Variants in PTPRN2 observed in about 807,000 individuals in gnomAD.
PTPRN2 encodes the protein protein tyrosine phosphatase receptor type N2.
PTPRN2 carries 74 observed loss-of-function variants against 118.8 expected under a neutral mutation model. That is an observed-to-expected ratio of 0.62 (90% CI 0.52 to 0.76). PTPRN2 has a LOEUF of 0.76. Among genes scored for constraint, PTPRN2 ranks in the 30% least tolerant of loss-of-function variants. The probability of loss-of-function intolerance (pLI) is 0.00; values close to 1 mark genes in which losing one functional copy is unlikely to be tolerated. For missense variants in PTPRN2, 1,481 were observed against 1,394.4 expected (o/e 1.06, Z -0.99); for synonymous variants, 641 against 608.0 (o/e 1.05, Z -0.80).
At chr7:158,375,320 C>A (rs117005743) in intron 2 of PTPRN2, among the ~76,000 whole-genome samples, 2,194 of 152,328 alleles carry the variant, frequency 0.014, 25 homozygotes, top group Non-Finnish European at 0.023. Flanking sequence ...TTACAGAGTA[C>A]CCAGGACACA....
intron 19 of PTPRN2, among the ~76,000 whole-genome samples, chr7:157,573,216 C>T (rs1007366296): frequency 1.2e-4 from 19 of 152,242 alleles, no homozygotes; most frequent in African/African-American, 1.9e-4. Context: ...TGAGACTGCA[C>T]GCATGTGTGT....
chr7:158,502,052 C>G (rs774299485), intron 1 of PTPRN2, among the ~76,000 whole-genome samples: 8 of 152,164 alleles, frequency 5.3e-5, no homozygotes, highest in Non-Finnish European at 7.3e-5. Context: ...CTCCTCGTTC[C>G]GACTCTCTGC....
Position 157,787,600 on chromosome 7 carries a change from A to G in PTPRN2, c.1789-104663T>C, listed in dbSNP as rs933176342. ...GACCCCACAGAGAGAGAGGCAGAGG[A>G]GAGTGGCCGTGACCTGGAGGACAAG... On this transcript the variant is annotated intron_variant, in intron 12 of 22. Coordinates refer to ENST00000389418, the MANE Select transcript of PTPRN2 (RefSeq NM_002847.5). The surrounding 1 kb of genome is among the most constrained non-coding windows in gnomAD (Gnocchi z 5.3). 9.9e-5 allele frequency among the ~76,000 whole-genome samples: 15 copies of G among 151,852 alleles called. No individual in the cohort carries two copies. Among genetic ancestry groups the G allele is most frequent in the Non-Finnish European group, 1.9e-4 (13 of 67,952 alleles).
intron 12 of PTPRN2, among the ~76,000 whole-genome samples, chr7:157,719,678 G>T (rs1180440152): frequency 6.6e-6 from 1 of 152,190 alleles, no homozygotes; most frequent in African/African-American, 2.4e-5. Context: ...GAGGAGCTCT[G>T]TATGCCGGGG....
chr7:157,683,677 G>A (rs371158300), intron 12 of PTPRN2, among the ~76,000 whole-genome samples: 1 of 152,142 alleles, frequency 6.6e-6, no homozygotes, highest in Admixed American at 6.5e-5. Context: ...CTTGGAGGGC[G>A]GGGGTAGGGC....
intron 9 of PTPRN2, among the ~76,000 whole-genome samples, chr7:158,132,361 C>T (rs1011341456): frequency 6.0e-5 from 9 of 150,746 alleles, no homozygotes; most frequent in South Asian, 2.1e-4. Flanking sequence ...CACATCTACC[C>T]GACATACACT....
rs1423824862 is a variant in PTPRN2, at chr7:157,629,793, C to G, written c.2197-8284G>C. 6.6e-6 allele frequency among the ~76,000 whole-genome samples: 1 copy of G among 152,240 alleles called. No individual in the cohort carries two copies. Among genetic ancestry groups the G allele is most frequent in the African/African-American group, 2.4e-5 (1 of 41,456 alleles). On this transcript the variant is annotated intron_variant, in intron 14 of 22. Coordinates refer to ENST00000389418, the MANE Select transcript of PTPRN2 (RefSeq NM_002847.5). The surrounding 1 kb of genome is among the most constrained non-coding windows in gnomAD (Gnocchi z 4.4). ...TTTTCTACAATGGCGCCTATTGCAG[C>G]ACAATGCCCTTTAATTTACTGAACA...
chr7:158,227,360 A>G (rs1484927526), intron 3 of PTPRN2, among the ~76,000 whole-genome samples: 1 of 152,184 alleles, frequency 6.6e-6, no homozygotes, highest in Admixed American at 6.5e-5. Context: ...GGTAATACTG[A>G]GAGATAAATC....
intron 12 of PTPRN2, among the ~76,000 whole-genome samples, chr7:157,703,281 C>A (rs1055413227): frequency 6.6e-6 from 1 of 152,178 alleles, no homozygotes; most frequent in Non-Finnish European, 1.5e-5. Context: ...GGTCCCCGAC[C>A]GACTTTCGAG....
At chr7:157,678,740 C>A (rs1208573541) in intron 13 of PTPRN2, among the ~76,000 whole-genome samples, 1 of 152,072 alleles carries the variant, frequency 6.6e-6, no homozygotes, top group Non-Finnish European at 1.5e-5. Flanking sequence ...CACAAGGAAA[C>A]CTGCTGGGTA....
chr7:157,948,781 G>A (rs976164275), intron 11 of PTPRN2, among the ~76,000 whole-genome samples: 6 of 152,130 alleles, frequency 3.9e-5, no homozygotes, highest in Non-Finnish European at 5.9e-5. Context: ...CAAAATAAAT[G>A]CCCATTGAAG....
rs1285743715 is a variant in PTPRN2, at chr7:157,587,965, C to T, written c.2496+7273G>A. On this transcript the variant is annotated intron_variant, in intron 17 of 22. Transcript: ENST00000389418. This position sits in a 1 kb window ranked among gnomAD's most constrained non-coding sequence, Gnocchi z 5.3. ...CCTGGGCTCCCGCGGTGGCTGTCCC[C>T]GTGCCTGGGCTCCCGCGGTGGCTGT... Among the ~76,000 whole-genome samples, 7 of 149,684 alleles carry T rather than the reference C, an allele frequency of 4.7e-5. No individual in the cohort carries two copies. Among genetic ancestry groups the T allele is most frequent in the Admixed American group, 2.0e-4 (3 of 15,038 alleles).
intron 11 of PTPRN2, among the ~76,000 whole-genome samples, chr7:158,054,025 T>TGCAGAGACC (rs1809577763): frequency 1.1e-5 from 1 of 89,164 alleles, no homozygotes; most frequent in African/African-American, 5.8e-5. Flanking sequence ...ACGCAGAGAC[T>TGCAGAGACC]CCAGAGATGC....
At chr7:157,545,593 G>A (rs1048725481) in intron 22 of PTPRN2, among the ~76,000 whole-genome samples, 4 of 152,094 alleles carry the variant, frequency 2.6e-5, no homozygotes, top group African/African-American at 4.8e-5. Flanking sequence ...GCCCCTGGGT[G>A]CCTGGACTTC....
At position 158,289,862 on chromosome 7, in the gene PTPRN2, G is replaced by A. The variant is rs542477469; in HGVS notation, c.277+26957C>T. Among the ~76,000 whole-genome samples the A allele has an allele frequency of 9.2e-5, 14 of 152,286 alleles. No homozygotes were observed. In the East Asian group the frequency reaches 9.7e-4, roughly 10 times the overall value. On this transcript the variant is annotated intron_variant, in intron 3 of 22. Transcript: ENST00000389418. ...CAATAAGCCCATGCAGATTCTGGGC[G>A]TCATCTGGCATGCTCCATAGGTAGG...
chr7:157,949,895 G>T (rs4716511), intron 11 of PTPRN2, among the ~76,000 whole-genome samples: 79,534 of 151,994 alleles, frequency 0.52, 21,693 homozygotes, highest in East Asian at 0.67. Context: ...GCTCCTCAGG[G>T]TCTCCTCAAA....
At chr7:158,107,171 C>T (rs961116964) in intron 10 of PTPRN2, among the ~76,000 whole-genome samples, 4 of 152,090 alleles carry the variant, frequency 2.6e-5, no homozygotes, top group African/African-American at 7.2e-5. Flanking sequence ...CTCCTGATCC[C>T]ATCAGAAACT....
intron 2 of PTPRN2, among the ~76,000 whole-genome samples, chr7:158,423,350 C>A (rs564762100): frequency 4.3e-4 from 65 of 152,328 alleles, no homozygotes; most frequent in Non-Finnish European, 7.6e-4. Context: ...CTGAGTGATG[C>A]AAGCCTGACC....
chr7:158,059,351 C>T (rs542268132), intron 11 of PTPRN2, among the ~76,000 whole-genome samples: 99 of 134,706 alleles, frequency 7.3e-4, no homozygotes, highest in African/African-American at 3.1e-3. Flanking sequence ...CACACTCCAT[C>T]TGCACACGGT....
Sources: gnomAD v4.1 joint callset for allele counts (sites outside exome capture counted in the v4.1 genomes callset) on GRCh38, gnomAD v4.1.1 for gene constraint, Gnocchi (gnomAD v3.1) non-coding constraint, MANE v1.5 for transcripts, NCBI Gene and HGNC (gene_info 2026-07-23, HGNC 2026-07-21) for gene names.